The following KIF3C variants were observed in gnomAD, a reference collection of about 807,000 sequenced individuals.
KIF3C encodes kinesin family member 3C, also known as kinesin-like protein KIF3C.
KIF3C carries 12 observed loss-of-function variants against 67.7 expected under a neutral mutation model. The observed-to-expected ratio is 0.18, with a 90% confidence interval of 0.11 to 0.29. KIF3C has a LOEUF of 0.29. Ranked by LOEUF, KIF3C falls within the 10% of genes least tolerant of loss-of-function variation. The pLI is 1.00. For missense variants in KIF3C, 789 were observed against 1,059.6 expected, an observed-to-expected ratio of 0.74 and a Z score of 3.55; for synonymous variants, 393 against 426.2, an observed-to-expected ratio of 0.92 and a Z score of 0.96.
Position 25,981,758 on chromosome 2 carries a change from G to T in KIF3C, c.160C>A (p.Leu54Met). 6.2e-7 allele frequency: 1 copy of T among 1,613,714 alleles called. No homozygotes were observed. The highest frequency in any genetic ancestry group is 8.5e-7 in the Non-Finnish European group (1 of 1,179,822). ...GCGTCAAAGGTGAAGGTCTTGGGCA[G>T]CTCCCCCGGGGCGGCGCGGGGGTTC... ...LRNPRAAPGE[L>M]PKTFTFDAVY... Residue 54 changes from leucine (L) to methionine (M), a missense_variant, in exon 1 of 8, where the codon CTG becomes ATG. This residue lies in a region of KIF3C where 141 missense variants were observed against 251.8 expected (regional missense o/e 0.56). Coordinates refer to ENST00000264712, the MANE Select transcript of KIF3C (RefSeq NM_002254.8). This position sits in a 1 kb window ranked among gnomAD's most constrained non-coding sequence, Gnocchi z 8.2.
chr2:25,981,309 A>G lies in KIF3C; in HGVS notation c.609T>C (p.Ala203=). Residue 203 remains alanine, a synonymous_variant, in exon 1 of 8, where the codon GCT becomes GCC. Transcript: ENST00000264712. The surrounding 1 kb of genome is among the most constrained non-coding windows in gnomAD (Gnocchi z 8.2). ...HVMNLGNQTR[A]VGSTHMNEVS... is the part of the protein sequence containing the mutation. ...CCTCATTCATGTGGGTGCTGCCCAC[A>G]GCCCGGGTCTGGTTCCCCAGGTTCA... 6.2e-7 allele frequency: 1 copy of G among 1,614,084 alleles called. No individual in the cohort carries two copies. The highest frequency in any genetic ancestry group is 1.3e-5 in the African/African-American group (1 of 75,008).
At chr2:25,978,228 G>T (rs988897786) in intron 1 of KIF3C, among the ~76,000 whole-genome samples, 1 of 152,140 alleles carries the variant, frequency 6.6e-6, no homozygotes. Flanking sequence ...AGGGTCACGA[G>T]CTGATAAGAC....
intron 1 of KIF3C, among the ~76,000 whole-genome samples, chr2:25,969,785 G>T (rs1306597590): frequency 6.6e-6 from 1 of 151,672 alleles, no homozygotes; most frequent in East Asian, 1.9e-4. Context: ...GCGTGATCTT[G>T]GCTCACTGCA....
chr2:25,951,919 T>G lies in KIF3C; in HGVS notation c.1890-14A>C. 1 of 1,567,386 alleles carries G rather than the reference T, an allele frequency of 6.4e-7. No individual in the cohort carries two copies. Among genetic ancestry groups the G allele is most frequent in the Non-Finnish European group, 8.8e-7 (1 of 1,137,932 alleles). On this transcript the variant is annotated splice_polypyrimidine_tract_variant and intron_variant, in intron 4 of 7. Transcript: ENST00000264712. ...ATGATTAGGTACCTGGGAGCAGGAATGAAGGAGTGATGGGAAAATGGGTGA... is the reference window on the plus strand; with the variant it reads ...ATGATTAGGTACCTGGGAGCAGGAAGGAAGGAGTGATGGGAAAATGGGTGA...
In KIF3C at chr2:25,955,235, C is replaced by CTGTG. The variant is rs1173047369; in HGVS notation, c.1770+302_1770+305dup. 6.6e-6 allele frequency among the ~76,000 whole-genome samples: 1 copy of CTGTG among 152,200 alleles called. No homozygotes were observed. Among genetic ancestry groups the CTGTG allele is most frequent in the African/African-American group, 2.4e-5 (1 of 41,442 alleles). ...CCTGCTCCAGGCCCAGCTATCCCAA[C>CTGTG]TGTGACTCACTGGTGACACTGAACG... On this transcript the variant is annotated intron_variant, in intron 3 of 7. Coordinates refer to ENST00000264712, the MANE Select transcript of KIF3C (RefSeq NM_002254.8). The surrounding 1 kb of genome is among the most constrained non-coding windows in gnomAD (Gnocchi z 5.0).
chr2:25,950,915 G>A (rs1417102356), intron 5 of KIF3C, among the ~76,000 whole-genome samples: 12 of 148,704 alleles, frequency 8.1e-5, no homozygotes, highest in Non-Finnish European at 1.0e-4. Context: ...AAAAGAAGAA[G>A]AAAAGAAAAG....
chr2:25,973,191 T>G (rs1664323111), intron 1 of KIF3C, among the ~76,000 whole-genome samples: 1 of 152,098 alleles, frequency 6.6e-6, no homozygotes, highest in East Asian at 1.9e-4. Context: ...TGACATTCGG[T>G]CTCTCCTTGA....
intron 5 of KIF3C, among the ~76,000 whole-genome samples, chr2:25,935,659 G>T (rs964610541): frequency 6.6e-6 from 1 of 152,076 alleles, no homozygotes; most frequent in African/African-American, 2.4e-5. Context: ...ACTGTGCCTG[G>T]CCCTGAAGCA....
intron 5 of KIF3C, among the ~76,000 whole-genome samples, chr2:25,943,595 G>A (rs1292985420): frequency 1.3e-5 from 2 of 152,134 alleles, no homozygotes; most frequent in Non-Finnish European, 2.9e-5. Flanking sequence ...TGTAATACTA[G>A]CATTTTGGGA....
intron 5 of KIF3C, among the ~76,000 whole-genome samples, chr2:25,945,956 C>T (rs1663421467): frequency 6.6e-6 from 1 of 151,220 alleles, no homozygotes; most frequent in Admixed American, 6.6e-5. Flanking sequence ...ACCAAAAATA[C>T]AAACAAATTA....
intron 1 of KIF3C, among the ~76,000 whole-genome samples, chr2:25,962,990 T>TATATATA (rs1158383913): frequency 1.6e-4 from 6 of 36,394 alleles, no homozygotes; most frequent in Non-Finnish European, 2.0e-4. Context: ...TAATATATAA[T>TATATATA]ATATATAATA....
intron 5 of KIF3C, among the ~76,000 whole-genome samples, chr2:25,943,784 G>A (rs1663355957): frequency 6.6e-6 from 1 of 151,842 alleles, no homozygotes; most frequent in Non-Finnish European, 1.5e-5. Flanking sequence ...AGAATCACTT[G>A]AACCTGGGAG....
At chr2:25,956,917 T>C (rs1196950355) in intron 1 of KIF3C, among the ~76,000 whole-genome samples, 5 of 152,032 alleles carry the variant, frequency 3.3e-5, no homozygotes, top group Non-Finnish European at 7.4e-5. Context: ...CTTCAGCTGA[T>C]GTGGAAAGCA....
intron 1 of KIF3C, 104 bp from the exon 2 acceptor site, chr2:25,956,548 C>A: frequency 1.2e-6 from 1 of 808,310 alleles, no homozygotes. Flanking sequence ...TGGGAGTGGA[C>A]ACCAGATGTG....
At chr2:25,935,850 G>A in intron 5 of KIF3C, among the ~76,000 whole-genome samples, 1 of 151,942 alleles carries the variant, frequency 6.6e-6, no homozygotes. Context: ...GGCCAAGGTG[G>A]GTGGATCACG....
At chr2:25,959,316 C>G (rs114618908) in intron 1 of KIF3C, among the ~76,000 whole-genome samples, 5 of 152,176 alleles carry the variant, frequency 3.3e-5, no homozygotes, top group Admixed American at 6.5e-5. Context: ...TGCTGTCCCC[C>G]CTGTGAGCTC....
chr2:25,928,717 C>T lies in KIF3C; in HGVS notation c.*261G>A, dbSNP rs748361593. ...CTCAAGTCAGAAGAAAAAGAGGCTA[C>T]GCAGTGACCACGGTAGGCCCAGACG... is the stretch of plus-strand genomic sequence containing the variant. On this transcript the variant is annotated 3_prime_UTR_variant, in exon 8 of 8. Coordinates refer to ENST00000264712, the MANE Select transcript of KIF3C (RefSeq NM_002254.8). 4.7e-5 allele frequency: 17 copies of T among 364,922 alleles called. No homozygotes were observed. The highest frequency in any genetic ancestry group is 8.2e-4 in the Middle Eastern group (1 of 1,226). The allele number at this position is 364,922 out of a possible 1,614,324, so 22.6% of individuals were successfully genotyped here.
At chr2:25,959,447 C>A (rs896652797) in intron 1 of KIF3C, among the ~76,000 whole-genome samples, 2 of 152,090 alleles carry the variant, frequency 1.3e-5, no homozygotes, top group Non-Finnish European at 2.9e-5. Flanking sequence ...TGGGGGTTGT[C>A]CCAGAGTGGG....
At chr2:25,956,273 G>A (rs759145384) in intron 2 of KIF3C, 70 bp downstream of exon 2, 87 of 1,150,932 alleles carry the variant, frequency 7.6e-5, no homozygotes, top group Middle Eastern at 2.4e-4. Flanking sequence ...CATGGTTTAC[G>A]GCCCTGCACC....
Sources: allele counts gnomAD v4.1 joint callset (sites outside exome capture counted in the v4.1 genomes callset), GRCh38; gene constraint gnomAD v4.1.1; regional missense constraint gnomAD v4.1.1; non-coding constraint Gnocchi (gnomAD v3.1); transcripts MANE v1.5; gene names NCBI Gene and HGNC (gene_info 2026-07-23, HGNC 2026-07-21).